PKD1L1: variants seen among roughly 807,000 people sequenced by gnomAD.
The protein encoded by PKD1L1 is polycystin-1-like protein 1.
PKD1L1 carries 236 observed loss-of-function variants against 323.4 expected under a neutral mutation model. That is an observed-to-expected ratio of 0.73 (90% CI 0.66 to 0.81). The LOEUF (loss-of-function observed/expected upper bound fraction) is 0.81, where lower values mean the gene tolerates loss of function less well. PKD1L1 is among the 40% of genes least tolerant of loss of function. The pLI is 0.00. For missense variants in PKD1L1, 3,320 were observed against 3,508.0 expected (o/e 0.95, Z 1.35); for synonymous variants, 1,344 against 1,335.0 (o/e 1.01, Z -0.15).
chr7:47,803,193 A>C lies in PKD1L1; in HGVS notation c.7962+17T>G, dbSNP rs1784702909. The C allele has an allele frequency of 6.2e-7, 1 of 1,613,838 alleles. No individual in the cohort carries two copies. Among genetic ancestry groups the C allele is most frequent in the South Asian group, 1.1e-5 (1 of 91,072 alleles). ...GGTTTACAAGGGAAATCACCTGATA[A>C]AGGGGAGAGTTCTTACCCCTGCTAC... is the stretch of plus-strand genomic sequence containing the variant. On this transcript the variant is annotated intron_variant, in intron 53 of 56. Transcript: ENST00000289672.
At chr7:47,905,993 A>G (rs1349725400) in intron 9 of PKD1L1, 31 bp from the exon 10 acceptor site, 2 of 1,543,982 alleles carry the variant, frequency 1.3e-6, no homozygotes, top group Non-Finnish European at 1.7e-6. Flanking sequence ...GATAAGAGAA[A>G]AAGTCTTAAA....
At position 47,790,905 on chromosome 7, in the gene PKD1L1, GT is replaced by G. The variant is rs568740676; in HGVS notation, c.8526+1721del. On this transcript the variant is annotated intron_variant, in intron 56 of 56. Transcript: ENST00000289672. ...CTGAGTAACTGGGACCACAGGTTTT[GT>G]TTTTTTCTTTGGAGAGATAGGGCTT... Among the ~76,000 whole-genome samples, 49 of 151,680 alleles carry G rather than the reference GT, an allele frequency of 3.2e-4. No homozygotes were observed. The East Asian group carries it at 8.9e-3, about 28-fold the overall frequency.
At chr7:47,939,925 C>T (rs1453021944) in intron 3 of PKD1L1, among the ~76,000 whole-genome samples, 2 of 152,164 alleles carry the variant, frequency 1.3e-5, no homozygotes, top group East Asian at 1.9e-4. Flanking sequence ...CCACTCCCCA[C>T]CTGAGGGCTA....
the PKD1L1 span, chr7:47,956,677 A>C: frequency 6.6e-6 from 1 of 152,230 alleles, no homozygotes; most frequent in Admixed American, 6.5e-5. Context: ...AGTCAGGGAA[A>C]CATGATGTCA....
rs191755583 is a variant in PKD1L1 at position 47,787,287 on chromosome 7, C to T, written c.8526+5340G>A. 1.9e-3 allele frequency among the ~76,000 whole-genome samples: 289 copies of T among 152,262 alleles called. 3 individuals carry two copies. The highest frequency in any genetic ancestry group is 6.2e-4 in the South Asian group (3 of 4,822). On this transcript the variant is annotated intron_variant, in intron 56 of 56. Transcript: ENST00000289672. Reference sequence around the variant, plus strand: ...CCACCTGGGAGCCAGGTGAGAGAGACCCACCCTTGGCAGCATTAACTTTTT... The same window carrying T: ...CCACCTGGGAGCCAGGTGAGAGAGATCCACCCTTGGCAGCATTAACTTTTT...
At position 47,883,249 on chromosome 7, in the gene PKD1L1, T is replaced by C. The variant is rs376826878; in HGVS notation, c.3266-1164A>G. Among the ~76,000 whole-genome samples the C allele has an allele frequency of 8.5e-5, 13 of 152,314 alleles. No homozygotes were observed. In the East Asian group the frequency reaches 1.7e-3, roughly 20 times the overall value. Reference sequence around the variant, plus strand: ...TCTGGCTAAGGAGACAGTGCTTCTCTTGGGGCTGGGGCTAGCCAACTCTTA... The same window carrying C: ...TCTGGCTAAGGAGACAGTGCTTCTCCTGGGGCTGGGGCTAGCCAACTCTTA... On this transcript the variant is annotated intron_variant, in intron 19 of 56. Transcript: ENST00000289672.
In PKD1L1 at chr7:47,831,301, T is replaced by C. The variant is rs1785344006; in HGVS notation, c.6389A>G (p.Gln2130Arg). ...GLMPQWSRAL[Q>R]PWWSSAVWAI... ...CCACACTGCAGAGCTCCACCAAGGCTGAAGGGCCCTTGACCACTGGGGCAT... is the reference window on the plus strand; with the variant it reads ...CCACACTGCAGAGCTCCACCAAGGCCGAAGGGCCCTTGACCACTGGGGCAT... The change falls in exon 42 of 57, where the codon CAG becomes CGG. Residue 2130 changes from glutamine to arginine, a missense_variant. By Grantham distance (43) the Gln-to-Arg change is conservative. Coordinates refer to ENST00000289672, the MANE Select transcript of PKD1L1 (RefSeq NM_138295.5). The C allele has an allele frequency of 1.9e-6, 3 of 1,614,032 alleles. No homozygotes were observed. Among genetic ancestry groups the C allele is most frequent in the Non-Finnish European group, 2.5e-6 (3 of 1,180,020 alleles).
chr7:47,901,341 A>AGAAAAAG (rs1183838610), intron 13 of PKD1L1, among the ~76,000 whole-genome samples: 1,851 of 151,354 alleles, frequency 0.012, 43 homozygotes, highest in African/African-American at 0.043. Flanking sequence ...AAAAAAAAAA[A>AGAAAAAG]AAAAAAAGAA....
At chr7:47,874,114 G>A (rs1786349210) in intron 23 of PKD1L1, 104 bp from the exon 24 acceptor site, 1 of 724,748 alleles carries the variant, frequency 1.4e-6, no homozygotes, top group Non-Finnish European at 2.3e-6. Flanking sequence ...ACTGTGACAA[G>A]TGCTGACAAA....
At position 47,873,982 on chromosome 7, in the gene PKD1L1, G is replaced by A. The variant is rs73105162; in HGVS notation, c.3813C>T (p.Gly1271=). 461,243 of 1,605,952 alleles carry A rather than the reference G, an allele frequency of 0.29. 69,370 individuals carry two copies. Among genetic ancestry groups the A allele is most frequent in the African/African-American group, 0.44 (32,829 of 74,818 alleles). Residue 1271 remains glycine (G), a synonymous_variant, in exon 24 of 57, where the codon GGC becomes GGT. Transcript: ENST00000289672. ...TGCACGGCTGGACCTTGGAGCCTTT[G>A]CCATCTGTGATTTCAGTGGAAACCA... ...KVMVSTEITD[G]KGSKVQPCTV...
intron 37 of PKD1L1, among the ~76,000 whole-genome samples, chr7:47,836,368 A>G (rs563087149): frequency 3.3e-5 from 5 of 152,208 alleles, no homozygotes; most frequent in African/African-American, 1.2e-4. Flanking sequence ...GTCGTAGTAA[A>G]CAAGTCAGTT....
At chr7:47,958,890 T>C in the PKD1L1 span, among the ~76,000 whole-genome samples, 1 of 152,176 alleles carries the variant, frequency 6.6e-6, no homozygotes, top group Non-Finnish European at 1.5e-5. Context: ...TGGACTGTAC[T>C]GCTGCCATCT....
At chr7:47,879,632 C>CA (rs1254218793) in intron 21 of PKD1L1, among the ~76,000 whole-genome samples, 26,349 of 57,690 alleles carry the variant, frequency 0.46, 5,478 homozygotes, top group African/African-American at 0.58. Context: ...GACTTTGTCT[C>CA]AAAAAAAAAA....
chr7:47,845,134 A>G (rs1439875842), intron 32 of PKD1L1, 56 bp from the exon 33 acceptor site: 17 of 1,409,198 alleles, frequency 1.2e-5, no homozygotes, highest in Non-Finnish European at 1.7e-5. Flanking sequence ...AGCTGTTGAC[A>G]GTGTAATGGC....
intron 55 of PKD1L1, among the ~76,000 whole-genome samples, chr7:47,794,673 T>C (rs1052673329): frequency 6.6e-6 from 1 of 152,132 alleles, no homozygotes; most frequent in Non-Finnish European, 1.5e-5. Flanking sequence ...TCTGACAACT[T>C]GCACTGTGCA....
chr7:47,801,073 C>T (rs1445504739), intron 53 of PKD1L1, among the ~76,000 whole-genome samples, 194 bp from the exon 54 acceptor site: 2 of 150,494 alleles, frequency 1.3e-5, no homozygotes, highest in East Asian at 4.0e-4. Flanking sequence ...CCTCCCTCCT[C>T]CCACCCCACC....
At chr7:47,888,686 T>C (rs1786740176) in intron 16 of PKD1L1, among the ~76,000 whole-genome samples, 1 of 152,246 alleles carries the variant, frequency 6.6e-6, no homozygotes, top group Non-Finnish European at 1.5e-5. Context: ...CTCTTCCCTG[T>C]GCAGGGTTGT....
At chr7:47,942,702 C>A (rs887227194) in intron 2 of PKD1L1, among the ~76,000 whole-genome samples, 1 of 152,126 alleles carries the variant, frequency 6.6e-6, no homozygotes, top group African/African-American at 2.4e-5. Context: ...CATGCAGACA[C>A]CTCCTGTAAC....
At chr7:47,807,872 C>T (rs776518782) in intron 52 of PKD1L1, among the ~76,000 whole-genome samples, 5 of 152,138 alleles carry the variant, frequency 3.3e-5, no homozygotes, top group Non-Finnish European at 5.9e-5. Flanking sequence ...GCTAATACTG[C>T]CTGCATTTAT....
Sources: allele counts gnomAD v4.1 joint callset (sites outside exome capture counted in the v4.1 genomes callset), GRCh38; gene constraint gnomAD v4.1.1; transcripts MANE v1.5; gene names NCBI Gene and HGNC (gene_info 2026-07-23, HGNC 2026-07-21).